The following ANKS1B variants were observed in gnomAD, a reference collection of about 807,000 sequenced individuals.
ANKS1B encodes ankyrin repeat and sterile alpha motif domain containing 1B.
A neutral mutation model predicts 148.3 loss-of-function variants in ANKS1B; 36 were observed. The ratio of observed to expected loss-of-function variants is 0.24; its 90% CI spans 0.19 to 0.32. The LOEUF is 0.32. Among genes scored for constraint, ANKS1B ranks in the 10% least tolerant of loss-of-function variants. ANKS1B has a pLI of 1.00. For missense variants in ANKS1B, 1,157 were observed against 1,542.6 expected, an observed-to-expected ratio of 0.75 and a Z score of 4.19; for synonymous variants, 542 against 560.8, an observed-to-expected ratio of 0.97 and a Z score of 0.47.
Position 99,504,560 on chromosome 12 carries a change from T to G in ANKS1B, c.1354A>C (p.Asn452His). 2 of 1,612,808 alleles carry G rather than the reference T, an allele frequency of 1.2e-6. No individual in the cohort carries two copies. Among genetic ancestry groups the G allele is most frequent in the Non-Finnish European group, 1.7e-6 (2 of 1,179,342 alleles). The stretch of plus-strand genomic sequence containing the variant: ...GTGTCCATGAGATCACACAGAAAGT[T>G]CTCATTTTCTGAAGGAAATGTATCC... ...SLDTFPSENE[N>H]FLCDLMDTAV... The change falls in exon 10 of 27, where the codon AAC (asparagine) becomes CAC (histidine). Residue 452 changes from asparagine (N) to histidine (H), a missense_variant. By Grantham distance (68) the Asn-to-His change is moderately conservative. This residue lies in a region of ANKS1B where 661 missense variants were observed against 642.1 expected (regional missense o/e 1.03). Transcript: ENST00000683438.
At chr12:98,855,183 AAT>A (rs1555415552) in intron 17 of ANKS1B, among the ~76,000 whole-genome samples, 14 of 152,022 alleles carry the variant, frequency 9.2e-5, no homozygotes, top group South Asian at 2.1e-4. Flanking sequence ...AAAAAAAAAA[AAT>A]CTCTTAAGAA....
chr12:98,885,484 G>A (rs2099737538), intron 17 of ANKS1B, among the ~76,000 whole-genome samples: 1 of 152,138 alleles, frequency 6.6e-6, no homozygotes, highest in East Asian at 1.9e-4. Flanking sequence ...GGAGTAATAG[G>A]AACATGTGCA....
At chr12:99,567,891 A>C (rs1181081309) in intron 9 of ANKS1B, among the ~76,000 whole-genome samples, 1 of 152,204 alleles carries the variant, frequency 6.6e-6, no homozygotes, top group Non-Finnish European at 1.5e-5. Context: ...CTACATTTAT[A>C]TGGAGAGGGA....
At chr12:99,950,402 C>T (rs2095186892) in intron 1 of ANKS1B, among the ~76,000 whole-genome samples, 1 of 151,932 alleles carries the variant, frequency 6.6e-6, no homozygotes, top group Middle Eastern at 3.2e-3. Context: ...TCAGCCTTCC[C>T]CGCATCCTCC....
At chr12:99,633,187 T>C (rs1007808350) in intron 9 of ANKS1B, among the ~76,000 whole-genome samples, 2 of 151,976 alleles carry the variant, frequency 1.3e-5, no homozygotes, top group African/African-American at 4.8e-5. Context: ...GTTCCAAGTC[T>C]TTGCTATTGT....
At chr12:99,059,866 A>C (rs2041820268) in intron 16 of ANKS1B, among the ~76,000 whole-genome samples, 1 of 149,054 alleles carries the variant, frequency 6.7e-6, no homozygotes, top group African/African-American at 2.5e-5. Context: ...TATCTTCAGC[A>C]GTACCCACAG....
chr12:99,611,207 T>C (rs2097899218), intron 9 of ANKS1B, among the ~76,000 whole-genome samples: 2 of 152,138 alleles, frequency 1.3e-5, no homozygotes, highest in Admixed American at 6.6e-5. Context: ...TGATCTGGTA[T>C]AAAACCCTTA....
At chr12:99,298,243 C>T (rs2081160339) in intron 12 of ANKS1B, among the ~76,000 whole-genome samples, 1 of 152,182 alleles carries the variant, frequency 6.6e-6, no homozygotes, top group African/African-American at 2.4e-5. Flanking sequence ...GCTGTGTCCC[C>T]ACCCAAATCT....
intron 12 of ANKS1B, among the ~76,000 whole-genome samples, chr12:99,395,322 A>C (rs2152563548): frequency 6.6e-6 from 1 of 152,276 alleles, no homozygotes; most frequent in African/African-American, 2.4e-5. Context: ...TCTGGGTTAA[A>C]GCCAAAGTCC....
chr12:98,735,691 A>C, intron 9 of ANKS1B: 1 of 705,746 alleles, frequency 1.4e-6, no homozygotes, highest in Non-Finnish European at 2.7e-6. Context: ...CATTTGTTTA[A>C]TAAATATTGA....
rs73381171 is a variant in ANKS1B, at chr12:99,281,523, G to A, written c.1757-34659C>T. ...GCAATGTTCAGATCTGACTCATCCA[G>A]TCTGGCTCTTCTTAAGAGACAAAGA... On this transcript the variant is annotated intron_variant, in intron 12 of 26. Coordinates refer to ENST00000683438, the MANE Select transcript of ANKS1B (RefSeq NM_001352186.2). Among the ~76,000 whole-genome samples the A allele has an allele frequency of 5.2e-3, 793 of 152,310 alleles. 7 individuals carry two copies. Among genetic ancestry groups the A allele is most frequent in the African/African-American group, 0.018 (762 of 41,576 alleles).
At chr12:99,414,465 A>G (rs1265707840) in intron 11 of ANKS1B, among the ~76,000 whole-genome samples, 1 of 152,208 alleles carries the variant, frequency 6.6e-6, no homozygotes, top group Non-Finnish European at 1.5e-5. Context: ...GGATAAAGAA[A>G]ATGTGGCACA....
chr12:99,199,819 A>G (rs1319312159), intron 14 of ANKS1B, among the ~76,000 whole-genome samples: 2 of 152,184 alleles, frequency 1.3e-5, no homozygotes, highest in African/African-American at 4.8e-5. Context: ...GAGAGTCTGT[A>G]GAGGGACACG....
intron 9 of ANKS1B, among the ~76,000 whole-genome samples, chr12:99,582,442 C>G (rs976713586): frequency 6.6e-6 from 1 of 151,504 alleles, no homozygotes; most frequent in Admixed American, 6.6e-5. Flanking sequence ...AAAAAACAAT[C>G]AAATGTTCAT....
chr12:98,752,634 G>A (rs530322898), intron 25 of ANKS1B, among the ~76,000 whole-genome samples: 1 of 152,252 alleles, frequency 6.6e-6, no homozygotes, highest in South Asian at 2.1e-4. Context: ...ACACTGATAG[G>A]GCACTCTTGC....
intron 14 of ANKS1B, among the ~76,000 whole-genome samples, chr12:99,194,030 T>A (rs1409036104): frequency 1.3e-5 from 2 of 151,738 alleles, no homozygotes; most frequent in Non-Finnish European, 2.9e-5. Context: ...TCAATCTCTT[T>A]ACCTCGTGAT....
chr12:99,143,563 C>A (rs2071790091), intron 15 of ANKS1B, among the ~76,000 whole-genome samples: 1 of 152,036 alleles, frequency 6.6e-6, no homozygotes, highest in African/African-American at 2.4e-5. Flanking sequence ...CATTACACCA[C>A]AGAAAAAACT....
chr12:99,883,788 C>T lies in ANKS1B; in HGVS notation c.135-58399G>A, dbSNP rs147489442. Among the ~76,000 whole-genome samples, 203 of 152,236 alleles carry T rather than the reference C, an allele frequency of 1.3e-3. 1 individual carries two copies. The highest frequency in any genetic ancestry group is 0.011 in the South Asian group (51 of 4,818). ...AAAATTAGCCAGGCGCATTGGCAGG[C>T]ACCTGTAATCCCAGCTACTTGGGAG... On this transcript the variant is annotated intron_variant, in intron 1 of 26. Coordinates refer to ENST00000683438, the MANE Select transcript of ANKS1B (RefSeq NM_001352186.2).
chr12:98,782,180 G>T, intron 22 of ANKS1B, 43 bp from the exon 23 acceptor site: 4 of 1,539,680 alleles, frequency 2.6e-6, no homozygotes, highest in Non-Finnish European at 3.6e-6. Context: ...CATAATAGGA[G>T]AGAAAACATA....
Sources: gnomAD v4.1 joint callset for allele counts (sites outside exome capture counted in the v4.1 genomes callset) on GRCh38, gnomAD v4.1.1 for gene constraint, gnomAD v4.1.1 regional missense constraint, MANE v1.5 for transcripts, NCBI Gene and HGNC (gene_info 2026-07-23, HGNC 2026-07-21) for gene names.